Variants in DTWD1 observed in about 807,000 individuals in gnomAD.
DTWD1 encodes DTW motif tRNA-uridine aminocarboxypropyltransferase 1.
A neutral mutation model predicts 30.2 loss-of-function variants in DTWD1; 27 were observed. The observed-to-expected ratio is 0.90, with a 90% confidence interval of 0.66 to 1.23. The LOEUF (loss-of-function observed/expected upper bound fraction) is 1.23. DTWD1 is among the 50% of genes most tolerant of loss of function. The pLI, the probability that DTWD1 is intolerant of heterozygous loss-of-function variation, is 0.00. For missense variants in DTWD1, 342 were observed against 348.8 expected, an observed-to-expected ratio of 0.98 and a Z score of 0.15; for synonymous variants, 99 against 113.1, an observed-to-expected ratio of 0.88 and a Z score of 0.79.
intron 4 of DTWD1, among the ~76,000 whole-genome samples, chr15:49,638,390 A>T (rs1290419259): frequency 6.6e-6 from 1 of 152,174 alleles, no homozygotes; most frequent in African/African-American, 2.4e-5. Context: ...GGGGCTTCTT[A>T]ATCTCTTTAA....
At position 49,652,385 on chromosome 15, in the gene DTWD1, T is replaced by A. The variant is rs756407513; in HGVS notation, c.*8807T>A. 1 of 152,070 alleles carries A rather than the reference T, an allele frequency of 6.6e-6. No homozygotes were observed. The highest frequency in any genetic ancestry group is 2.4e-5 in the African/African-American group (1 of 41,414). 9.4% of individuals were successfully genotyped at this position (152,070 alleles called of 1,614,324 possible). A position where few individuals can be genotyped will look rare whatever the true frequency, so the allele number is the denominator to read the frequency against. ...CCTGGTTACACAATCTGGGCAGAAG[T>A]AATAAATGTGGTGCCCAAGTGATAA... On this transcript the variant is annotated 3_prime_UTR_variant, in exon 5 of 5. Transcript: ENST00000403028.
rs898082457 is a variant in DTWD1, at chr15:49,650,145, G to T, written c.*6567G>T. The T allele has an allele frequency of 6.6e-6, 1 of 152,120 alleles. No individual in the cohort carries two copies. Among genetic ancestry groups the T allele is most frequent in the African/African-American group, 2.4e-5 (1 of 41,504 alleles). 9.4% of individuals were successfully genotyped at this position (152,120 alleles called of 1,614,324 possible). A position where few individuals can be genotyped will look rare whatever the true frequency, so the allele number is the denominator to read the frequency against. ...ACTTGGCATGTTTGAGGAATAACAAGGACACTAGTTTGGAACAGTGTGTGG... is the reference window on the plus strand; with the variant it reads ...ACTTGGCATGTTTGAGGAATAACAATGACACTAGTTTGGAACAGTGTGTGG... On this transcript the variant is annotated 3_prime_UTR_variant, in exon 5 of 5. Transcript: ENST00000403028.
intron 1 of DTWD1, 40 bp downstream of exon 1, chr15:49,621,162 C>T (rs1487062203): frequency 6.6e-6 from 1 of 152,238 alleles, no homozygotes; most frequent in African/African-American, 2.4e-5. Flanking sequence ...GGTCCCCGCG[C>T]CTCTCTGGAG....
At chr15:49,621,811 T>C (rs575704078) in intron 1 of DTWD1, among the ~76,000 whole-genome samples, 1 of 152,056 alleles carries the variant, frequency 6.6e-6, no homozygotes, top group African/African-American at 2.4e-5. Flanking sequence ...TGAAAAAGGG[T>C]ACTACTACCT....
At chr15:49,635,711 C>G (rs1028625433) in intron 4 of DTWD1, among the ~76,000 whole-genome samples, 1 of 152,028 alleles carries the variant, frequency 6.6e-6, no homozygotes, top group Non-Finnish European at 1.5e-5. Flanking sequence ...CCAGGCTGGT[C>G]TCTAACTCCT....
rs1302524001 is a variant in DTWD1, at chr15:49,652,337, C to G, written c.*8759C>G. 1 of 152,062 alleles carries G rather than the reference C, an allele frequency of 6.6e-6. No individual in the cohort carries two copies. The highest frequency in any genetic ancestry group is 3.2e-3 in the Middle Eastern group (1 of 316). 9.4% of individuals were successfully genotyped at this position (152,062 alleles called of 1,614,324 possible). On this transcript the variant is annotated 3_prime_UTR_variant, in exon 5 of 5. Transcript: ENST00000403028. The stretch of plus-strand genomic sequence containing the variant: ...ATAAAAGGAGTCAAGATCAGTTGAC[C>G]CTAATCAAGAGGAGATTGGAATCCT...
rs867023299 is a variant in DTWD1, at chr15:49,645,203, C to T, written c.*1625C>T. On this transcript the variant is annotated 3_prime_UTR_variant, in exon 5 of 5. Transcript: ENST00000403028. Reference sequence around the variant, plus strand: ...CTATTAACATGCCATGGAAATAGGACGTTTGGAGTATTGTAATTAAGAACA... The same window carrying T: ...CTATTAACATGCCATGGAAATAGGATGTTTGGAGTATTGTAATTAAGAACA... 2.6e-5 allele frequency: 4 copies of T among 152,016 alleles called. No individual in the cohort carries two copies. The highest frequency in any genetic ancestry group is 2.1e-4 in the South Asian group (1 of 4,820). The allele number at this position is 152,016 out of a possible 1,614,324, so 9.4% of individuals were successfully genotyped here.
chr15:49,633,073 A>ATATATATATATATATATTT (rs1555588696), intron 3 of DTWD1, among the ~76,000 whole-genome samples: 1 of 145,288 alleles, frequency 6.9e-6, no homozygotes, highest in Non-Finnish European at 1.5e-5. Context: ...ATATATATGT[A>ATATATATATATATATATTT]TTTTTTTGGT....
At chr15:49,628,812 G>A (rs1037799840) in intron 2 of DTWD1, among the ~76,000 whole-genome samples, 2 of 151,748 alleles carry the variant, frequency 1.3e-5, no homozygotes, top group Admixed American at 6.6e-5. Flanking sequence ...CAGAGCAAAT[G>A]TTTTTGTAGC....
At chr15:49,637,360 G>GC (rs766950381) in intron 4 of DTWD1, among the ~76,000 whole-genome samples, 4 of 152,062 alleles carry the variant, frequency 2.6e-5, no homozygotes, top group Admixed American at 1.3e-4. Flanking sequence ...GGTGCAACAG[G>GC]CAAGTTCACT....
chr15:49,625,584 GA>G, intron 2 of DTWD1, 153 bp downstream of exon 2: 1 of 829,910 alleles, frequency 1.2e-6, no homozygotes, highest in South Asian at 1.9e-5. Flanking sequence ...CACTTAGACA[GA>G]AAATTTCTCA....
At chr15:49,630,367 C>T (rs2078903192) in intron 2 of DTWD1, among the ~76,000 whole-genome samples, 1 of 152,002 alleles carries the variant, frequency 6.6e-6, no homozygotes, top group Non-Finnish European at 1.5e-5. Flanking sequence ...AATAGTGTGC[C>T]CAGGGTAAAT....
In DTWD1 at chr15:49,646,754, A is replaced by G. The variant is rs980809856; in HGVS notation, c.*3176A>G. 1 of 152,136 alleles carries G rather than the reference A, an allele frequency of 6.6e-6. No individual in the cohort carries two copies. Among genetic ancestry groups the G allele is most frequent in the Non-Finnish European group, 1.5e-5 (1 of 68,036 alleles). The allele number at this position is 152,136 out of a possible 1,614,324, so 9.4% of individuals were successfully genotyped here. ...TGGCAGTGTCTCTTCATGGCTTTTC[A>G]TGAAACAGCAGCAAGTGCTACACAG... is the stretch of plus-strand genomic sequence containing the variant. On this transcript the variant is annotated 3_prime_UTR_variant, in exon 5 of 5. Coordinates refer to ENST00000403028, the MANE Select transcript of DTWD1 (RefSeq NM_001144955.2).
intron 1 of DTWD1, among the ~76,000 whole-genome samples, chr15:49,624,335 T>C (rs2078810222): frequency 6.6e-6 from 1 of 152,164 alleles, no homozygotes; most frequent in Non-Finnish European, 1.5e-5. Context: ...AGGGCACCAG[T>C]GTTGTTTCTC....
intron 2 of DTWD1, chr15:49,629,520 T>G (rs2078890220): frequency 6.6e-6 from 1 of 152,206 alleles, no homozygotes; most frequent in Non-Finnish European, 1.5e-5. Context: ...TGATCTGCTT[T>G]CTTTTTCTTT....
Position 49,654,840 on chromosome 15 carries a change from T to C in DTWD1, c.*11262T>C, listed in dbSNP as rs905923931. 6.6e-6 allele frequency: 1 copy of C among 152,192 alleles called. No individual in the cohort carries two copies. The highest frequency in any genetic ancestry group is 6.6e-5 in the Admixed American group (1 of 15,248). 9.4% of individuals were successfully genotyped at this position (152,192 alleles called of 1,614,324 possible). On this transcript the variant is annotated 3_prime_UTR_variant, in exon 5 of 5. Coordinates refer to ENST00000403028, the MANE Select transcript of DTWD1 (RefSeq NM_001144955.2). ...ACTTAAACAACAGAAATTTATATCT[T>C]ACATTTCTGGAGACTGAAAATATGG...
In DTWD1 at chr15:49,649,456, G is replaced by T. The variant is rs1471955676; in HGVS notation, c.*5878G>T. 6.6e-6 allele frequency: 1 copy of T among 152,244 alleles called. No individual in the cohort carries two copies. The highest frequency in any genetic ancestry group is 1.5e-5 in the Non-Finnish European group (1 of 68,092). 9.4% of individuals were successfully genotyped at this position (152,244 alleles called of 1,614,324 possible). The stretch of plus-strand genomic sequence containing the variant: ...AAAGAGAGCATTAAGAAGTCAGCAG[G>T]CCAGGCGCGGTGGCTCACGCCTCTA... On this transcript the variant is annotated 3_prime_UTR_variant, in exon 5 of 5. Transcript: ENST00000403028.
At chr15:49,641,856 T>A (rs1050559154) in intron 4 of DTWD1, among the ~76,000 whole-genome samples, 1 of 152,128 alleles carries the variant, frequency 6.6e-6, no homozygotes, top group Non-Finnish European at 1.5e-5. Context: ...TCTTTTAAAA[T>A]CTTCTCTTTA....
rs1364644648 is a variant in DTWD1 at position 49,643,826 on chromosome 15, C to T, written c.*248C>T. 14 of 328,854 alleles carry T rather than the reference C, an allele frequency of 4.3e-5. No homozygotes were observed. The highest frequency in any genetic ancestry group is 7.2e-5 in the Non-Finnish European group (13 of 181,764). 20.4% of individuals were successfully genotyped at this position (328,854 alleles called of 1,614,324 possible). A position where few individuals can be genotyped will look rare whatever the true frequency, so the allele number is the denominator to read the frequency against. On this transcript the variant is annotated 3_prime_UTR_variant, in exon 5 of 5. Transcript: ENST00000403028. ...CAGTGAAACCTCAGTTTCATTACTACATTTTAATATAGTGTGTTATGTCTC... is the reference window on the plus strand; with the variant it reads ...CAGTGAAACCTCAGTTTCATTACTATATTTTAATATAGTGTGTTATGTCTC...
Sources: gnomAD v4.1 joint callset for allele counts (sites outside exome capture counted in the v4.1 genomes callset) on GRCh38, gnomAD v4.1.1 for gene constraint, MANE v1.5 for transcripts, NCBI Gene and HGNC (gene_info 2026-07-23, HGNC 2026-07-21) for gene names.